Variants in WWTR1 observed in about 807,000 individuals in gnomAD.
WWTR1 encodes WW domain-containing transcription regulator protein 1.
WWTR1 carries 13 observed loss-of-function variants against 40.1 expected under a neutral mutation model. The observed-to-expected ratio is 0.32, with a 90% CI of 0.21 to 0.52. The LOEUF (loss-of-function observed/expected upper bound fraction) is 0.52. Among genes scored for constraint, WWTR1 ranks in the 20% least tolerant of loss-of-function variants. WWTR1 has a pLI of 0.97. For synonymous variants in WWTR1, 230 were observed against 210.1 expected, an observed-to-expected ratio of 1.09 and a Z score of -0.82; for missense variants, 436 against 523.1, an observed-to-expected ratio of 0.83 and a Z score of 1.63.
At chr3:149,703,411 G>GGA (rs1221390584), upstream of WWTR1, 8 of 152,136 alleles carry the variant, frequency 5.3e-5, no homozygotes, top group Non-Finnish European at 1.0e-4. Flanking sequence ...AGTTATGACG[G>GGA]CCAAAATATT....
intron 3 of WWTR1, among the ~76,000 whole-genome samples, chr3:149,557,702 C>T (rs1183566600): frequency 6.6e-6 from 1 of 151,874 alleles, no homozygotes; most frequent in African/African-American, 2.4e-5. Flanking sequence ...TATTTTTATC[C>T]TTTTGAATTA....
At chr3:149,721,164 A>T (rs1193585030) in intron 4 of WWTR1, among the ~76,000 whole-genome samples, 5 of 151,826 alleles carry the variant, frequency 3.3e-5, no homozygotes. Flanking sequence ...GAAAGTGGAA[A>T]TTTTTTTCTT....
chr3:149,524,140 A>C (rs1485395702), intron 6 of WWTR1, among the ~76,000 whole-genome samples: 2 of 152,194 alleles, frequency 1.3e-5, no homozygotes, highest in Non-Finnish European at 2.9e-5. Flanking sequence ...GAGGTTATGC[A>C]ACTTACCCAA....
At chr3:149,634,975 G>A (rs1217037648) in intron 2 of WWTR1, among the ~76,000 whole-genome samples, 3 of 152,238 alleles carry the variant, frequency 2.0e-5, no homozygotes, top group Non-Finnish European at 1.5e-5. Flanking sequence ...AGGGATGGAA[G>A]ACTAAAGAGG....
chr3:149,539,141 C>A (rs887863965), intron 4 of WWTR1, among the ~76,000 whole-genome samples: 2 of 152,054 alleles, frequency 1.3e-5, no homozygotes, highest in African/African-American at 4.8e-5. Context: ...CAACAAGGAC[C>A]AAGGAGTTGT....
Position 149,633,316 on chromosome 3 carries a change from G to A in WWTR1, c.431+23560C>T, listed in dbSNP as rs779069014. Among the ~76,000 whole-genome samples, 12 of 152,210 alleles carry A rather than the reference G, an allele frequency of 7.9e-5. No individual in the cohort carries two copies. The South Asian group carries it at 8.3e-4, about 11-fold the overall frequency. On this transcript the variant is annotated intron_variant, in intron 2 of 6. Transcript: ENST00000360632. Reference sequence around the variant, plus strand: ...AGGTGGGAGGATCTCTTGAGCCCACGAGTTTGAGGTTATAGTGAGCTATGA... The same window carrying A: ...AGGTGGGAGGATCTCTTGAGCCCACAAGTTTGAGGTTATAGTGAGCTATGA...
intron 4 of WWTR1, among the ~76,000 whole-genome samples, chr3:149,538,180 G>A (rs1450326456): frequency 6.6e-6 from 1 of 152,068 alleles, no homozygotes. Context: ...TTGGCTTCCC[G>A]AAGTGCTGGG....
intron 6 of WWTR1, among the ~76,000 whole-genome samples, chr3:149,521,800 T>C (rs1288448574): frequency 1.3e-5 from 2 of 152,164 alleles, no homozygotes; most frequent in Non-Finnish European, 1.5e-5. Flanking sequence ...CTGACTTTGG[T>C]GTCATTAGAT....
At chr3:149,686,143 A>G (rs35199587) in intron 1 of WWTR1, among the ~76,000 whole-genome samples, 14,603 of 152,212 alleles carry the variant, frequency 0.096, 910 homozygotes, top group African/African-American at 0.17. Flanking sequence ...TACCAAGTAG[A>G]GCACCTTTAT....
chr3:149,624,435 TCAG>T (rs1303486812), intron 2 of WWTR1, among the ~76,000 whole-genome samples: 1 of 152,216 alleles, frequency 6.6e-6, no homozygotes, highest in Non-Finnish European at 1.5e-5. Flanking sequence ...TCTGTCATCT[TCAG>T]CTGGAACAGT....
At chr3:149,623,363 C>CA (rs936983905) in intron 2 of WWTR1, among the ~76,000 whole-genome samples, 2 of 151,246 alleles carry the variant, frequency 1.3e-5, no homozygotes, top group Admixed American at 1.3e-4. Flanking sequence ...AACTACATCT[C>CA]AAAAAAAAGA....
At chr3:149,562,870 T>C (rs1165668738) in intron 3 of WWTR1, among the ~76,000 whole-genome samples, 1 of 152,002 alleles carries the variant, frequency 6.6e-6, no homozygotes, top group Non-Finnish European at 1.5e-5. Flanking sequence ...AATCAGTTGG[T>C]ACCTGGGTGG....
At chr3:149,525,864 C>G (rs1429205540) in intron 6 of WWTR1, 149 bp downstream of exon 6, 1 of 455,264 alleles carries the variant, frequency 2.2e-6, no homozygotes, top group Non-Finnish European at 3.7e-6. Flanking sequence ...ATCACATAAC[C>G]ATGTAGCAAA....
chr3:149,651,654 AAGAGTG>A (rs1250472581), intron 2 of WWTR1, among the ~76,000 whole-genome samples: 5 of 152,188 alleles, frequency 3.3e-5, no homozygotes, highest in Non-Finnish European at 7.3e-5. Context: ...ACAACTGATG[AAGAGTG>A]AGAAAACAAA....
intron 1 of WWTR1, among the ~76,000 whole-genome samples, chr3:149,699,292 CTTTT>C (rs35576449): frequency 2.3e-5 from 3 of 131,740 alleles, no homozygotes; most frequent in Non-Finnish European, 3.3e-5. Context: ...GGTCATCATT[CTTTT>C]TTTTTTTTTT....
intron 1 of WWTR1, among the ~76,000 whole-genome samples, chr3:149,694,225 C>T (rs984539264): frequency 6.6e-6 from 1 of 152,158 alleles, no homozygotes; most frequent in South Asian, 2.1e-4. Context: ...AACCCCGTCT[C>T]TACTAAAAAT....
intron 3 of WWTR1, among the ~76,000 whole-genome samples, chr3:149,567,398 A>C (rs1013716028): frequency 1.1e-4 from 16 of 152,160 alleles, no homozygotes; most frequent in Non-Finnish European, 4.4e-5. Context: ...CCCTCTGTGA[A>C]TGACCTGACA....
At chr3:149,548,727 C>G (rs1198964761) in intron 3 of WWTR1, among the ~76,000 whole-genome samples, 1 of 152,214 alleles carries the variant, frequency 6.6e-6, no homozygotes, top group East Asian at 1.9e-4. Flanking sequence ...AGAAGAATAT[C>G]TTCGGCTAGT....
intron 2 of WWTR1, among the ~76,000 whole-genome samples, chr3:149,636,966 GAAAA>G (rs397950107): frequency 1.4e-4 from 6 of 43,308 alleles, no homozygotes; most frequent in Admixed American, 7.6e-4. Flanking sequence ...TGTCTCAAGT[GAAAA>G]AAAAAAAAAA....
Sources: gnomAD v4.1 joint callset for allele counts (sites outside exome capture counted in the v4.1 genomes callset) on GRCh38, gnomAD v4.1.1 for gene constraint, MANE v1.5 for transcripts, NCBI Gene and HGNC (gene_info 2026-07-23, HGNC 2026-07-21) for gene names.